CDK11B: variants seen among roughly 807,000 people sequenced by gnomAD.
The protein encoded by CDK11B is cyclin dependent kinase 11B, also known as cyclin-dependent kinase 11B.
CDK11B carries 37 observed loss-of-function variants against 84.0 expected under a neutral mutation model. The ratio of observed to expected loss-of-function variants is 0.44; its 90% confidence interval spans 0.34 to 0.58. CDK11B has a LOEUF of 0.58. CDK11B is among the 20% of genes least tolerant of loss of function. The pLI, the probability that CDK11B is intolerant of heterozygous loss-of-function variation, is 0.02. For synonymous variants in CDK11B, 269 were observed against 309.8 expected (o/e 0.87, Z 1.38); for missense variants, 427 against 834.0 (o/e 0.51, Z 6.01).
At chr1:1,637,730 C>A in intron 13 of CDK11B, 32 bp downstream of exon 13, 1 of 1,613,698 alleles carries the variant, frequency 6.2e-7, no homozygotes, top group South Asian at 1.1e-5. Context: ...AAGCCTTCCA[C>A]CCGGGGCCAG....
chr1:1,652,909 G>T lies in CDK11B; in HGVS notation c.228-343C>A, dbSNP rs1422543775. Among the ~76,000 whole-genome samples, 18 of 152,264 alleles carry T rather than the reference G, an allele frequency of 1.2e-4. 1 individual carries two copies. The South Asian group carries it at 3.5e-3, about 30-fold the overall frequency. ...CTGGCTAATTTTTGTATTTTTAGTA[G>T]AGACGGGGTTTTACCATGTTAGCCA... On this transcript the variant is annotated intron_variant, in intron 3 of 19. Coordinates refer to ENST00000341832, the MANE Select transcript of CDK11B (RefSeq NM_033486.3).
chr1:1,653,509 C>G (rs1263892071), intron 3 of CDK11B, among the ~76,000 whole-genome samples: 1 of 151,668 alleles, frequency 6.6e-6, no homozygotes, highest in Non-Finnish European at 1.5e-5. Context: ...GTAGTAGAGA[C>G]GGGCTTTCAC....
chr1:1,654,144 TA>T, intron 3 of CDK11B: 1 of 465,482 alleles, frequency 2.1e-6, no homozygotes. Context: ...CATTATACCG[TA>T]ATTTCTGGCT....
intron 3 of CDK11B, chr1:1,654,043 A>T (rs1642391735): frequency 2.4e-6 from 1 of 422,940 alleles, no homozygotes; most frequent in Non-Finnish European, 4.7e-6. Flanking sequence ...CAATCTTCAT[A>T]ATCTCAAAGC....
chr1:1,649,130 C>T (rs1314613178), intron 5 of CDK11B, among the ~76,000 whole-genome samples: 4 of 152,008 alleles, frequency 2.6e-5, no homozygotes, highest in Non-Finnish European at 5.9e-5. Flanking sequence ...GACGGAGTCT[C>T]GCTCTGTCGC....
chr1:1,646,588 T>G, intron 5 of CDK11B: 1 of 512,592 alleles, frequency 2.0e-6, no homozygotes, highest in East Asian at 5.5e-5. Context: ...GACGTCAACC[T>G]ACACTTGCTA....
In CDK11B at chr1:1,655,886, AAAACAAAC is replaced by A. The variant is rs70937166; in HGVS notation, c.112-410_112-403del. On this transcript the variant is annotated intron_variant, in intron 2 of 19. Transcript: ENST00000341832. The stretch of plus-strand genomic sequence containing the variant: ...GACAGAGTTAGACTCCGTATCAGGG[AAAACAAAC>A]AAACAAACAAACAAACTTTAATTCA... 9.2e-5 allele frequency among the ~76,000 whole-genome samples: 14 copies of A among 152,110 alleles called. 1 individual carries two copies. The highest frequency in any genetic ancestry group is 3.9e-4 in the East Asian group (2 of 5,146).
In CDK11B at chr1:1,636,917, C is replaced by A. The variant is rs1374890801; in HGVS notation, c.1780G>T (p.Glu594Ter). ...CTCACCTTGGCACCAAGCAGCAGCT[C>A]TGGGGCGCGGTACCACAGGGTCACC... ...VVVTLWYRAPELLLGAKEYST... is the reference protein window; with the variant it reads ...VVVTLWYRAP The change falls in exon 16 of 20, where the codon GAG becomes TAG. Residue 594 changes from glutamate (E) to a stop codon, truncating the protein, a stop_gained. Transcript: ENST00000341832. LOFTEE classifies it high-confidence loss of function. The A allele has an allele frequency of 6.2e-7, 1 of 1,606,414 alleles. No individual in the cohort carries two copies. The highest frequency in any genetic ancestry group is 8.5e-7 in the Non-Finnish European group (1 of 1,175,088).
In CDK11B at chr1:1,655,480, T is replaced by C; in HGVS notation, c.116A>G (p.Asp39Gly). The C allele has an allele frequency of 1.9e-6, 3 of 1,609,402 alleles. No individual in the cohort carries two copies. Among genetic ancestry groups the C allele is most frequent in the Non-Finnish European group, 2.6e-6 (3 of 1,176,248 alleles). Reference protein sequence around the residue: ...KAEIKRLKNSDDRDSKRDSLE... With the variant: ...KAEIKRLKNSGDRDSKRDSLE... ...GGAATCCCGCTTGGAATCCCGGTCA[T>C]CAGACTAAGAAGCAAAGAGAAAGTT... Residue 39 changes from aspartate to glycine, a missense_variant, in exon 3 of 20, where the codon GAT becomes GGT. Asp to Gly is a moderately conservative substitution (Grantham distance 94). This residue lies in a region of CDK11B where 57 missense variants were observed against 62.2 expected (regional missense o/e 0.92). Coordinates refer to ENST00000341832, the MANE Select transcript of CDK11B (RefSeq NM_033486.3).
At chr1:1,638,938 T>A (rs1437535693) in intron 11 of CDK11B, among the ~76,000 whole-genome samples, 6 of 98,376 alleles carry the variant, frequency 6.1e-5, no homozygotes, top group Non-Finnish European at 1.0e-4. Flanking sequence ...CTGTTTTCTA[T>A]TTTTTTTTTT....
chr1:1,640,940 C>G lies in CDK11B; in HGVS notation c.1075+108G>C, dbSNP rs1327053943. On this transcript the variant is annotated intron_variant, in intron 10 of 19. Coordinates refer to ENST00000341832, the MANE Select transcript of CDK11B (RefSeq NM_033486.3). ...GAGCGGCCAACGAATCAGGCGGCCT[C>G]CCAGACCCTGGCGTGCCCCACGCTG... 1.0e-5 allele frequency: 16 copies of G among 1,541,382 alleles called. No individual in the cohort carries two copies. The African/African-American group carries it at 1.9e-4, about 18-fold the overall frequency.
Position 1,636,439 on chromosome 1 carries a change from C to G in CDK11B, c.1960G>C (p.Glu654Gln). 6.2e-7 allele frequency: 1 copy of G among 1,613,062 alleles called. No individual in the cohort carries two copies. Among genetic ancestry groups the G allele is most frequent in the Non-Finnish European group, 8.5e-7 (1 of 1,179,418 alleles). ...GTCATCTTCTTGACTGCTGGGAGCT[C>G]GCTGTAGCCGGGCCAGATTTTCTCA... Reference protein sequence around the residue: ...PSEKIWPGYSELPAVKKMTFS... With the variant: ...PSEKIWPGYSQLPAVKKMTFS... Residue 654 changes from glutamate to glutamine, a missense_variant, in exon 18 of 20, where the codon GAG becomes CAG. Glu to Gln is a conservative substitution (Grantham distance 29, BLOSUM62 2). Transcript: ENST00000341832.
chr1:1,639,869 C>T (rs1328698126), intron 11 of CDK11B, among the ~76,000 whole-genome samples: 1,988 of 149,662 alleles, frequency 0.013, no homozygotes, highest in African/African-American at 0.047. Context: ...CACTGACTCC[C>T]GTAGCCGCTC....
chr1:1,655,739 C>T (rs1199950451), intron 2 of CDK11B, among the ~76,000 whole-genome samples: 1 of 151,954 alleles, frequency 6.6e-6, no homozygotes, highest in East Asian at 1.9e-4. Flanking sequence ...CTGGACAACA[C>T]AGTGAAACCC....
At chr1:1,654,191 A>C in intron 3 of CDK11B, 1 of 460,080 alleles carries the variant, frequency 2.2e-6, no homozygotes, top group Non-Finnish European at 4.4e-6. Flanking sequence ...GATGACGTAT[A>C]CGAGCTAGAT....
chr1:1,657,288 C>T (rs1265733188), intron 2 of CDK11B, 87 bp downstream of exon 2: 5 of 1,613,458 alleles, frequency 3.1e-6, no homozygotes, highest in East Asian at 2.2e-5. Flanking sequence ...AGAACTTCAC[C>T]GAAGAAGCGT....
At chr1:1,650,050 G>A (rs1204588556) in intron 4 of CDK11B, among the ~76,000 whole-genome samples, 2 of 150,060 alleles carry the variant, frequency 1.3e-5, no homozygotes, top group African/African-American at 4.9e-5. Flanking sequence ...GAGGTGGGCG[G>A]ATCACAAGGT....
intron 11 of CDK11B, among the ~76,000 whole-genome samples, chr1:1,639,677 C>T (rs1639960310): frequency 2.0e-5 from 3 of 151,874 alleles, no homozygotes; most frequent in African/African-American, 7.2e-5. Context: ...CAGAGGCCTG[C>T]TGCATGCGCC....
rs775161892 is a variant in CDK11B, at chr1:1,636,924, G to A, written c.1773C>T (p.Arg591=). 7.5e-5 allele frequency: 120 copies of A among 1,606,320 alleles called. 1 individual carries two copies. Among genetic ancestry groups the A allele is most frequent in the Middle Eastern group, 1.7e-4 (1 of 5,910 alleles). Residue 591 remains arginine, a synonymous_variant, in exon 16 of 20, where the codon CGC becomes CGT. Coordinates refer to ENST00000341832, the MANE Select transcript of CDK11B (RefSeq NM_033486.3). ...TGGCACCAAGCAGCAGCTCTGGGGC[G>A]CGGTACCACAGGGTCACCACGACCG... ...YTPVVVTLWY[R]APELLLGAKE... is the part of the protein sequence containing the mutation.
Sources: allele counts gnomAD v4.1 joint callset (sites outside exome capture counted in the v4.1 genomes callset), GRCh38; gene constraint gnomAD v4.1.1; regional missense constraint gnomAD v4.1.1; transcripts MANE v1.5; gene names NCBI Gene and HGNC (gene_info 2026-07-23, HGNC 2026-07-21).